The following CDC27 variants were observed in gnomAD, a reference collection of about 807,000 sequenced individuals.
CDC27 encodes the protein cell division cycle 27.
A neutral mutation model predicts 109.7 loss-of-function variants in CDC27; 27 were observed. The ratio of observed to expected loss-of-function variants is 0.25; its 90% confidence interval spans 0.18 to 0.34. CDC27 has a LOEUF of 0.34. Among genes scored for constraint, CDC27 ranks in the 10% least tolerant of loss-of-function variants. The probability of loss-of-function intolerance (pLI) is 1.00; values close to 1 mark genes in which losing one functional copy is unlikely to be tolerated. For synonymous variants in CDC27, 266 were observed against 333.9 expected (o/e 0.80, Z 2.22); for missense variants, 579 against 960.2 (o/e 0.60, Z 5.25).
chr17:47,157,022 C>G lies in CDC27; in HGVS notation c.733G>C (p.Val245Leu). 1 of 1,567,816 alleles carries G rather than the reference C, an allele frequency of 6.4e-7. No individual in the cohort carries two copies. The highest frequency in any genetic ancestry group is 8.8e-7 in the Non-Finnish European group (1 of 1,142,102). ...IDSAVISPDT[V>L]PLGTGTSILS... ...ATGGAAGTTCCTGTTCCCAGTGGGA[C>G]AGTATCAGGTGAAATTACAGCTGAA... Residue 245 changes from valine (V) to leucine (L), a missense_variant, in exon 7 of 19, where the codon GTC becomes CTC. Coordinates refer to ENST00000066544, the MANE Select transcript of CDC27 (RefSeq NM_001256.6).
At chr17:47,169,786 G>T in intron 4 of CDC27, 131 bp downstream of exon 4, 1 of 579,898 alleles carries the variant, frequency 1.7e-6, no homozygotes, top group Non-Finnish European at 2.7e-6. Context: ...TTTTAATAAG[G>T]TCATAGAATC....
intron 2 of CDC27, among the ~76,000 whole-genome samples, chr17:47,180,945 TAAAAAAAAAA>T (rs34061862): frequency 2.7e-5 from 3 of 111,668 alleles, no homozygotes; most frequent in South Asian, 3.0e-4. Flanking sequence ...ACTCTTTTCT[TAAAAAAAAAA>T]AAAAAAAAAA....
Position 47,170,005 on chromosome 17 carries a change from A to G in CDC27, c.289T>C (p.Phe97Leu). 6.3e-7 allele frequency: 1 copy of G among 1,582,786 alleles called. No individual in the cohort carries two copies. The highest frequency in any genetic ancestry group is 8.6e-7 in the Non-Finnish European group (1 of 1,165,628). ...EGEQILSGGV[F>L]NKQKSHDDIV... is the part of the protein sequence containing the mutation. ...TCATCATGGCTTTTCTGCTTATTAA[A>G]CACTCCACCAGATAAGATTTGTTCC... Residue 97 changes from phenylalanine to leucine, a missense_variant, in exon 4 of 19, where the codon TTT becomes CTT. Coordinates refer to ENST00000066544, the MANE Select transcript of CDC27 (RefSeq NM_001256.6).
Position 47,129,386 on chromosome 17 carries a change from A to G in CDC27, c.2160+7T>C. ...AACACTGAAGACCCTTAAGATATTT[A>G]TCTTACCTTATATTTTTCATTTGCA... is the stretch of plus-strand genomic sequence containing the variant. On this transcript the variant is annotated splice_region_variant and intron_variant, in intron 16 of 18. Transcript: ENST00000066544. The G allele has an allele frequency of 6.2e-7, 1 of 1,604,974 alleles. No individual in the cohort carries two copies. The highest frequency in any genetic ancestry group is 8.5e-7 in the Non-Finnish European group (1 of 1,173,218).
intron 18 of CDC27, among the ~76,000 whole-genome samples, chr17:47,121,741 CTTT>C (rs35570204): frequency 2.1e-5 from 3 of 144,770 alleles, no homozygotes; most frequent in African/African-American, 2.5e-5. Context: ...CATATATATA[CTTT>C]TTTTTTTTTT....
intron 2 of CDC27, among the ~76,000 whole-genome samples, chr17:47,180,973 A>G (rs1249656074): frequency 6.8e-6 from 1 of 147,314 alleles, no homozygotes; most frequent in African/African-American, 2.5e-5. Context: ...AAAAAAATAC[A>G]TGGCATGGTG....
Position 47,143,967 on chromosome 17 carries a change from T to A in CDC27, c.1086A>T (p.Val362=). 6 of 1,451,926 alleles carry A rather than the reference T, an allele frequency of 4.1e-6. No individual in the cohort carries two copies. Among genetic ancestry groups the A allele is most frequent in the Non-Finnish European group, 5.5e-6 (6 of 1,090,730 alleles). The allele number at this position is 1,451,926 out of a possible 1,614,324, so 89.9% of individuals were successfully genotyped here. ...GGGGAGATGTAATAGTGGGGCTCAA[T>A]ACCTGAGGTGTTGTACTAAAAAAAA... ...SGPQTSTTPQ[V]LSPTITSPPN... The change falls in exon 10 of 19, where the codon GTA becomes GTT. Residue 362 remains valine (V), a synonymous_variant. Transcript: ENST00000066544.
intron 8 of CDC27, among the ~76,000 whole-genome samples, chr17:47,153,947 G>T (rs1167267505): frequency 6.6e-6 from 1 of 151,898 alleles, no homozygotes; most frequent in East Asian, 1.9e-4. Context: ...AAATTAGCTG[G>T]GTGTGGTGGT....
rs2148968209 is a variant in CDC27, at chr17:47,172,032, T to C, written c.136A>G (p.Thr46Ala). Reference protein sequence around the residue: ...HSEEALFLLATCYYRSGKAYK... With the variant: ...HSEEALFLLAACYYRSGKAYK... ...GCCTTTCCTGAGCGGTAATAACAGG[T>C]TGCCAGTAAAAACAAGGCTTCTTCT... The change falls in exon 3 of 19, where the codon ACC becomes GCC. Residue 46 changes from threonine (T) to alanine (A), a missense_variant. Physicochemically the swap from Thr to Ala is moderately conservative, Grantham distance 58 (BLOSUM62 0). Transcript: ENST00000066544. The C allele has an allele frequency of 6.3e-7, 1 of 1,589,236 alleles. No individual in the cohort carries two copies. Among genetic ancestry groups the C allele is most frequent in the Non-Finnish European group, 8.5e-7 (1 of 1,170,094 alleles).
At chr17:47,164,874 A>G (rs1393609650) in intron 4 of CDC27, among the ~76,000 whole-genome samples, 2 of 152,176 alleles carry the variant, frequency 1.3e-5, no homozygotes, top group Non-Finnish European at 2.9e-5. Flanking sequence ...TTTGAATTTT[A>G]GCAGTTTTTA....
At chr17:47,133,028 T>TACACACACACAC (rs71138587) in intron 14 of CDC27, among the ~76,000 whole-genome samples, 22 of 29,832 alleles carry the variant, frequency 7.4e-4, no homozygotes, top group African/African-American at 2.9e-3. Flanking sequence ...TATATATATA[T>TACACACACACAC]ACACACACAC....
chr17:47,146,822 C>T (rs1234961636), intron 9 of CDC27, among the ~76,000 whole-genome samples: 2 of 151,890 alleles, frequency 1.3e-5, no homozygotes, highest in South Asian at 2.1e-4. Flanking sequence ...CCCAACAACT[C>T]GGGTGGGTGA....
At chr17:47,133,699 C>T (rs1317304145) in intron 14 of CDC27, among the ~76,000 whole-genome samples, 1 of 152,042 alleles carries the variant, frequency 6.6e-6, no homozygotes, top group Non-Finnish European at 1.5e-5. Flanking sequence ...CGGCCTCGGC[C>T]TCCCAAAGTG....
intron 4 of CDC27, chr17:47,161,751 A>T (rs953804163): frequency 6.6e-6 from 1 of 152,250 alleles, no homozygotes; most frequent in Non-Finnish European, 1.5e-5. Flanking sequence ...CTCTGTCTCA[A>T]ATAAATAAAT....
At chr17:47,132,989 A>G (rs1212150427) in intron 14 of CDC27, among the ~76,000 whole-genome samples, 1 of 23,744 alleles carries the variant, frequency 4.2e-5, no homozygotes, top group Non-Finnish European at 6.8e-5. Context: ...GCCCAGGCGC[A>G]TATATATATA....
intron 12 of CDC27, among the ~76,000 whole-genome samples, chr17:47,141,366 A>G (rs555255402): frequency 6.6e-6 from 1 of 152,284 alleles, no homozygotes; most frequent in South Asian, 2.1e-4. Flanking sequence ...TCTGGTATAG[A>G]CAGATAACTT....
At chr17:47,139,765 C>T (rs1008038745) in intron 12 of CDC27, 33 of 152,122 alleles carry the variant, frequency 2.2e-4, no homozygotes, top group African/African-American at 7.7e-4. Context: ...GAATCATAGG[C>T]CCTACCTATT....
chr17:47,158,796 T>C (rs2063399350), intron 4 of CDC27, among the ~76,000 whole-genome samples: 1 of 152,162 alleles, frequency 6.6e-6, no homozygotes, highest in South Asian at 2.1e-4. Context: ...TTTTTGCATA[T>C]TTTGTAGAGA....
At chr17:47,123,368 C>G (rs1354605327) in intron 17 of CDC27, among the ~76,000 whole-genome samples, 1 of 151,616 alleles carries the variant, frequency 6.6e-6, no homozygotes, top group African/African-American at 2.4e-5. Flanking sequence ...CAAGACAACA[C>G]AGTGCCATTC....
Sources: allele counts gnomAD v4.1 joint callset (sites outside exome capture counted in the v4.1 genomes callset), GRCh38; gene constraint gnomAD v4.1.1; transcripts MANE v1.5; gene names NCBI Gene and HGNC (gene_info 2026-07-23, HGNC 2026-07-21).